Variants in PLEKHM1 observed in about 807,000 individuals in gnomAD.
PLEKHM1 encodes the protein pleckstrin homology domain-containing family M member 1.
A neutral mutation model predicts 94.3 loss-of-function variants in PLEKHM1; 28 were observed. The ratio of observed to expected loss-of-function variants is 0.30; its 90% CI spans 0.22 to 0.41. The LOEUF (loss-of-function observed/expected upper bound fraction) is 0.41, where lower values mean the gene tolerates loss of function less well. PLEKHM1 is among the 10% of genes least tolerant of loss of function. The probability of loss-of-function intolerance (pLI) is 1.00; values close to 1 mark genes in which losing one functional copy is unlikely to be tolerated. For synonymous variants in PLEKHM1, 424 were observed against 581.2 expected, an observed-to-expected ratio of 0.73 and a Z score of 3.89; for missense variants, 907 against 1,358.6, an observed-to-expected ratio of 0.67 and a Z score of 5.22.
At chr17:45,485,850 C>T (rs961107929) in intron 1 of PLEKHM1, among the ~76,000 whole-genome samples, 23 of 151,950 alleles carry the variant, frequency 1.5e-4, no homozygotes, top group African/African-American at 2.4e-4. Context: ...ACCCAGGAGG[C>T]GGAGGTTGCA....
At chr17:45,455,647 C>T (rs1026264594) in intron 6 of PLEKHM1, among the ~76,000 whole-genome samples, 4 of 152,280 alleles carry the variant, frequency 2.6e-5, no homozygotes, top group South Asian at 2.1e-4. Flanking sequence ...TTCTTTCTTT[C>T]GCAGCCTACA....
rs780620930 is a variant in PLEKHM1 at position 45,440,145 on chromosome 17, G to A, written c.2901+18C>T. ...AGTCTCTCTAGAGGTCTGGGCGGGG[G>A]AAGCATGACACTCTTACCTGTTGGA... On this transcript the variant is annotated intron_variant, in intron 10 of 11. Coordinates refer to ENST00000430334, the MANE Select transcript of PLEKHM1 (RefSeq NM_014798.3). 21 of 1,608,984 alleles carry A rather than the reference G, an allele frequency of 1.3e-5. No individual in the cohort carries two copies. Among genetic ancestry groups the A allele is most frequent in the Admixed American group, 1.7e-5 (1 of 60,006 alleles).
intron 1 of PLEKHM1, among the ~76,000 whole-genome samples, chr17:45,490,333 C>T (rs2052273105): frequency 6.6e-6 from 1 of 151,840 alleles, no homozygotes; most frequent in South Asian, 2.1e-4. Flanking sequence ...AGGGACGTGG[C>T]CGAGATCGGT....
Position 45,436,955 on chromosome 17 carries a change from C to T in PLEKHM1, c.*903G>A, listed in dbSNP as rs2050276643. The T allele has an allele frequency of 2.2e-6, 1 of 447,752 alleles. No individual in the cohort carries two copies. Among genetic ancestry groups the T allele is most frequent in the Non-Finnish European group, 4.5e-6 (1 of 221,522 alleles). 27.7% of individuals were successfully genotyped at this position (447,752 alleles called of 1,614,324 possible). A position where few individuals can be genotyped will look rare whatever the true frequency, so the allele number is the denominator to read the frequency against. On this transcript the variant is annotated 3_prime_UTR_variant, in exon 12 of 12. Coordinates refer to ENST00000430334, the MANE Select transcript of PLEKHM1 (RefSeq NM_014798.3). ...ACCCCGGGCACCCACCAAGGTGGGC[C>T]TGGAGCATCTGCAGCAGCGCCCCTG... is the stretch of plus-strand genomic sequence containing the variant.
rs766193550 is a variant in PLEKHM1, at chr17:45,453,602, C to T, written c.2250G>A (p.Thr750=). 2.2e-5 allele frequency: 35 copies of T among 1,602,996 alleles called. No individual in the cohort carries two copies. Among genetic ancestry groups the T allele is most frequent in the Non-Finnish European group, 2.9e-5 (34 of 1,174,270 alleles). Residue 750 remains threonine (T), a synonymous_variant, in exon 7 of 12, where the codon ACG becomes ACA. Coordinates refer to ENST00000430334, the MANE Select transcript of PLEKHM1 (RefSeq NM_014798.3). The surrounding 1 kb of genome is among the most constrained non-coding windows in gnomAD (Gnocchi z 4.1). The part of the protein sequence containing the change: ...LGGPSFFKII[T]AKAVLKLQAG... ...CCTGCAGCTTCAGGACAGCCTTGGC[C>T]GTGATGATTTTGAAGAAGGATGGGC...
intron 1 of PLEKHM1, among the ~76,000 whole-genome samples, chr17:45,484,308 T>C (rs2052045154): frequency 6.6e-6 from 1 of 152,214 alleles, no homozygotes; most frequent in African/African-American, 2.4e-5. Flanking sequence ...GAGATTTAAC[T>C]AAGAGTCTGA....
intron 6 of PLEKHM1, among the ~76,000 whole-genome samples, chr17:45,456,987 T>C (rs2960000): frequency 0.16 from 24,113 of 151,666 alleles, 2,125 homozygotes; most frequent in Middle Eastern, 0.26. Flanking sequence ...TTCAGACCAG[T>C]GTGGCCAACA....
intron 7 of PLEKHM1, among the ~76,000 whole-genome samples, chr17:45,451,997 C>T (rs1281701305): frequency 1.3e-5 from 2 of 152,224 alleles, no homozygotes; most frequent in Non-Finnish European, 2.9e-5. Context: ...AGACCAATTC[C>T]TTTCAGATGC....
intron 4 of PLEKHM1, among the ~76,000 whole-genome samples, chr17:45,472,893 G>A (rs1277255315): frequency 6.6e-6 from 1 of 152,186 alleles, no homozygotes; most frequent in Admixed American, 6.5e-5. Flanking sequence ...CGAGGGCACA[G>A]GGCGAGTGGA....
At position 45,453,159 on chromosome 17, in the gene PLEKHM1, T is replaced by C. The variant is rs2050822225; in HGVS notation, c.2497+196A>G. The C allele has an allele frequency of 6.2e-6, 4 of 640,404 alleles. No individual in the cohort carries two copies. In the East Asian group the frequency reaches 1.1e-4, roughly 18 times the overall value. 39.7% of individuals were successfully genotyped at this position (640,404 alleles called of 1,614,324 possible). A position where few individuals can be genotyped will look rare whatever the true frequency, so the allele number is the denominator to read the frequency against. On this transcript the variant is annotated intron_variant, in intron 7 of 11. Coordinates refer to ENST00000430334, the MANE Select transcript of PLEKHM1 (RefSeq NM_014798.3). The surrounding 1 kb of genome is among the most constrained non-coding windows in gnomAD (Gnocchi z 4.1). The stretch of plus-strand genomic sequence containing the variant: ...GGACGGGTGAGCAGGGCCCACTGCC[T>C]ATGAGCAGGGCACTGGCCCCAGCCG...
At chr17:45,483,912 TC>T (rs2052032467) in intron 1 of PLEKHM1, among the ~76,000 whole-genome samples, 1 of 151,952 alleles carries the variant, frequency 6.6e-6, no homozygotes, top group African/African-American at 2.4e-5. Flanking sequence ...AATTCTAAGC[TC>T]CCCAACTGCC....
At chr17:45,440,083 C>T (rs769029100) in intron 10 of PLEKHM1, 80 bp downstream of exon 10, 5 of 1,299,744 alleles carry the variant, frequency 3.8e-6, no homozygotes, top group Admixed American at 1.7e-5. Flanking sequence ...ACAGACACCC[C>T]CTCTTCCATC....
downstream of PLEKHM1, among the ~76,000 whole-genome samples, chr17:45,435,639 G>A (rs2050235282): frequency 6.6e-6 from 1 of 152,198 alleles, no homozygotes; most frequent in Non-Finnish European, 1.5e-5. Context: ...TACAAGTGTG[G>A]GTACACCTCC....
chr17:45,436,881 G>A lies in PLEKHM1; in HGVS notation c.*977C>T. 1 of 452,366 alleles carries A rather than the reference G, an allele frequency of 2.2e-6. No homozygotes were observed. The highest frequency in any genetic ancestry group is 4.4e-6 in the Non-Finnish European group (1 of 225,234). 28.0% of individuals were successfully genotyped at this position (452,366 alleles called of 1,614,324 possible). ...GGGCGTGGCTGCCTGCCCTCTCTGG[G>A]GTCCTGCCTATCTGTGCCCTGGCAG... On this transcript the variant is annotated 3_prime_UTR_variant, in exon 12 of 12. Coordinates refer to ENST00000430334, the MANE Select transcript of PLEKHM1 (RefSeq NM_014798.3).
Position 45,466,328 on chromosome 17 carries a change from A to C in PLEKHM1, c.1308+1881T>G, listed in dbSNP as rs1300430718. ...AGATAATATAGGCAAATACCTTCAG[A>C]TCCTTGGGGGAGATGAATATCTCTT... On this transcript the variant is annotated intron_variant, in intron 5 of 11. Coordinates refer to ENST00000430334, the MANE Select transcript of PLEKHM1 (RefSeq NM_014798.3). Among the ~76,000 whole-genome samples, 3 of 152,208 alleles carry C rather than the reference A, an allele frequency of 2.0e-5. No homozygotes were observed. In the East Asian group the frequency reaches 5.8e-4, roughly 29 times the overall value.
rs889253696 is a variant in PLEKHM1, at chr17:45,437,032, C to A, written c.*826G>T. ...GGATCGGGGGTGGGCAAGACGGCGA[C>A]CCTCCATAAACCGAGGAGGGCTCAA... On this transcript the variant is annotated 3_prime_UTR_variant, in exon 12 of 12. Coordinates refer to ENST00000430334, the MANE Select transcript of PLEKHM1 (RefSeq NM_014798.3). The surrounding 1 kb of genome is among the most constrained non-coding windows in gnomAD (Gnocchi z 4.0). The A allele has an allele frequency of 2.2e-6, 1 of 454,318 alleles. No individual in the cohort carries two copies. The allele number at this position is 454,318 out of a possible 1,614,324, so 28.1% of individuals were successfully genotyped here. A position where few individuals can be genotyped will look rare whatever the true frequency, so the allele number is the denominator to read the frequency against.
chr17:45,450,154 CACCT>C (rs929775970), intron 8 of PLEKHM1, among the ~76,000 whole-genome samples: 11 of 151,812 alleles, frequency 7.2e-5, no homozygotes, highest in African/African-American at 2.4e-4. Context: ...CCTGCTCATT[CACCT>C]ACCTACCTAT....
rs753568143 is a variant in PLEKHM1, at chr17:45,458,328, T to C, written c.1420A>G (p.Arg474Gly). 2.5e-6 allele frequency: 4 copies of C among 1,613,948 alleles called. No individual in the cohort carries two copies. Among genetic ancestry groups the C allele is most frequent in the East Asian group, 2.2e-5 (1 of 44,890 alleles). ...IASYRGTPGS[R>G]PGLHRHFSQE... is the part of the protein sequence containing the mutation. Reference sequence around the variant, plus strand: ...GAAAAATGCCTGTGGAGACCAGGCCTTGACCCTGGAGTCCCCCTGTAAGAA... The same window carrying C: ...GAAAAATGCCTGTGGAGACCAGGCCCTGACCCTGGAGTCCCCCTGTAAGAA... The change falls in exon 6 of 12, where the codon AGG becomes GGG. Residue 474 changes from arginine to glycine, a missense_variant. Arg to Gly is a moderately radical substitution (Grantham distance 125). Transcript: ENST00000430334.
chr17:45,475,206 G>T lies in PLEKHM1; in HGVS notation c.817C>A (p.Leu273Ile). The T allele has an allele frequency of 6.2e-7, 1 of 1,613,974 alleles. No homozygotes were observed. Among genetic ancestry groups the T allele is most frequent in the South Asian group, 1.1e-5 (1 of 91,074 alleles). Residue 273 changes from leucine (L) to isoleucine (I), a missense_variant, in exon 4 of 12, where the codon CTC becomes ATC. Physicochemically the swap from Leu to Ile is conservative, Grantham distance 5. Around this residue, in one of 3 missense-constraint regions of PLEKHM1, gnomAD observed 477 missense variants for 601.5 expected, o/e 0.79. Coordinates refer to ENST00000430334, the MANE Select transcript of PLEKHM1 (RefSeq NM_014798.3). ...GGACTCTTGGAGCCATTCTCTTGGA[G>T]TAAGCAGCTATCAGAGTTTAGGCTG... ...SCSLNSDSCL[L>I]QENGSKSPDH...
Sources: allele counts gnomAD v4.1 joint callset (sites outside exome capture counted in the v4.1 genomes callset), GRCh38; gene constraint gnomAD v4.1.1; regional missense constraint gnomAD v4.1.1; non-coding constraint Gnocchi (gnomAD v3.1); transcripts MANE v1.5; gene names NCBI Gene and HGNC (gene_info 2026-07-23, HGNC 2026-07-21).